AGO2: variants seen among roughly 807,000 people sequenced by gnomAD.
AGO2 encodes the protein protein argonaute-2.
Under a neutral mutation model 102.3 loss-of-function variants are expected in AGO2, and 5 were observed. The ratio of observed to expected loss-of-function variants is 0.05; its 90% confidence interval spans 0.03 to 0.10. The LOEUF is 0.10. Ranked by LOEUF, AGO2 falls within the 10% of genes least tolerant of loss-of-function variation. The pLI is 1.00. For missense variants in AGO2, 541 were observed against 1,183.7 expected (o/e 0.46, Z 7.97); for synonymous variants, 449 against 473.1 (o/e 0.95, Z 0.66).
rs548684279 is a variant in AGO2 at position 140,571,984 on chromosome 8, G to A, written c.336+828C>T. ...CCTGATCTTGTGATCCGCCCACCTCGGCCTCCCAAAGTGCTGGGGTTACAG... is the reference window on the plus strand; with the variant it reads ...CCTGATCTTGTGATCCGCCCACCTCAGCCTCCCAAAGTGCTGGGGTTACAG... On this transcript the variant is annotated intron_variant, in intron 3 of 18. Transcript: ENST00000220592. Among the ~76,000 whole-genome samples, 15 of 152,180 alleles carry A rather than the reference G, an allele frequency of 9.9e-5. No individual in the cohort carries two copies. The South Asian group carries it at 1.5e-3, about 15-fold the overall frequency.
intron 1 of AGO2, 75 bp from the exon 2 acceptor site, chr8:140,585,386 A>G: frequency 6.6e-7 from 1 of 1,523,376 alleles, no homozygotes; most frequent in Non-Finnish European, 8.9e-7. Flanking sequence ...CGCGGCCCCA[A>G]GCCACTATAT....
intron 1 of AGO2, among the ~76,000 whole-genome samples, chr8:140,598,113 G>C (rs1286761639): frequency 1.3e-5 from 2 of 152,214 alleles, no homozygotes; most frequent in Non-Finnish European, 2.9e-5. Context: ...GACAGCAAGA[G>C]GGACTGGGGT....
In AGO2 at chr8:140,540,774, C is replaced by T. The variant is rs1235261775; in HGVS notation, c.2034+390G>A. 2.0e-5 allele frequency among the ~76,000 whole-genome samples: 3 copies of T among 152,174 alleles called. No homozygotes were observed. Among genetic ancestry groups the T allele is most frequent in the African/African-American group, 7.2e-5 (3 of 41,436 alleles). On this transcript the variant is annotated intron_variant, in intron 15 of 18. Transcript: ENST00000220592. This position sits in a 1 kb window ranked among gnomAD's most constrained non-coding sequence, Gnocchi z 5.0. ...ACCTCTCACACTGCAGACAGGCGTC[C>T]CCAGACGCAATGAGCTCCCCGCCTC... is the stretch of plus-strand genomic sequence containing the variant.
At position 140,635,475 on chromosome 8, in the gene AGO2, C is replaced by A; in HGVS notation, c.22+10G>T. On this transcript the variant is annotated intron_variant, in intron 1 of 18. Coordinates refer to ENST00000220592, the MANE Select transcript of AGO2 (RefSeq NM_012154.5). The stretch of plus-strand genomic sequence containing the variant: ...ACGGCCGGGCGGGCGCCCCGAGCGC[C>A]AGGACTCACCGGGGCCGGCTCCCGA... The A allele has an allele frequency of 1.0e-6, 1 of 980,252 alleles. No homozygotes were observed. Among genetic ancestry groups the A allele is most frequent in the South Asian group, 4.5e-5 (1 of 22,044 alleles). The allele number at this position is 980,252 out of a possible 1,614,324, so 60.7% of individuals were successfully genotyped here. A position where few individuals can be genotyped will look rare whatever the true frequency, so the allele number is the denominator to read the frequency against.
chr8:140,550,527 T>C (rs2072977373), intron 11 of AGO2, among the ~76,000 whole-genome samples: 1 of 152,212 alleles, frequency 6.6e-6, no homozygotes, highest in African/African-American at 2.4e-5. Flanking sequence ...GGCAGAGACC[T>C]GAACCAACAC....
intron 12 of AGO2, 23 bp from the exon 13 acceptor site, chr8:140,547,650 A>G (rs755094316): frequency 6.3e-7 from 1 of 1,598,488 alleles, no homozygotes; most frequent in Non-Finnish European, 8.5e-7. Context: ...AGAGGCACAC[A>G]CAGCTCTGCC....
chr8:140,575,696 A>T (rs1020249504), intron 2 of AGO2, among the ~76,000 whole-genome samples: 1 of 152,230 alleles, frequency 6.6e-6, no homozygotes, highest in Non-Finnish European at 1.5e-5. Context: ...AATCACTTAC[A>T]AACAGAAGCA....
intron 1 of AGO2, among the ~76,000 whole-genome samples, chr8:140,623,706 A>C (rs1412763036): frequency 6.6e-6 from 1 of 151,780 alleles, no homozygotes; most frequent in Non-Finnish European, 1.5e-5. Flanking sequence ...TCCCTCCATA[A>C]TGGCCACCAT....
At chr8:140,613,402 T>C (rs2074105232) in intron 1 of AGO2, among the ~76,000 whole-genome samples, 1 of 152,252 alleles carries the variant, frequency 6.6e-6, no homozygotes, top group African/African-American at 2.4e-5. Context: ...TTTAATATAA[T>C]GACATGTTGT....
At position 140,622,092 on chromosome 8, in the gene AGO2, G is replaced by A. The variant is rs180887233; in HGVS notation, c.22+13393C>T. ...AAAGAAATGAAACACTGATGCTGCC[G>A]TGTGAACCGTGAAGACATGCCGAGT... On this transcript the variant is annotated intron_variant, in intron 1 of 18. Transcript: ENST00000220592. Among the ~76,000 whole-genome samples the A allele has an allele frequency of 2.6e-5, 4 of 152,328 alleles. No individual in the cohort carries two copies. In the South Asian group the frequency reaches 8.3e-4, roughly 32 times the overall value.
chr8:140,634,634 G>A (rs1330696953), intron 1 of AGO2, among the ~76,000 whole-genome samples: 2 of 152,262 alleles, frequency 1.3e-5, no homozygotes, highest in Non-Finnish European at 2.9e-5. Context: ...AAGTTTTTTA[G>A]AACTTTTCCA....
At chr8:140,628,788 A>G (rs1183890907) in intron 1 of AGO2, among the ~76,000 whole-genome samples, 1 of 147,724 alleles carries the variant, frequency 6.8e-6, no homozygotes, top group Non-Finnish European at 1.5e-5. Flanking sequence ...CAGCAACAAC[A>G]ACAATAATAA....
chr8:140,629,640 G>C (rs1403893097), intron 1 of AGO2, among the ~76,000 whole-genome samples: 1 of 151,752 alleles, frequency 6.6e-6, no homozygotes, highest in African/African-American at 2.4e-5. Flanking sequence ...AGGAGCTCCA[G>C]AACAGCCCGG....
intron 3 of AGO2, among the ~76,000 whole-genome samples, chr8:140,568,194 G>C (rs1341515530): frequency 6.6e-6 from 1 of 151,130 alleles, no homozygotes; most frequent in Non-Finnish European, 1.5e-5. Flanking sequence ...TGAGGTGGGA[G>C]GCTCACTTGA....
At position 140,532,035 on chromosome 8, in the gene AGO2, T is replaced by C. The variant is rs776741788; in HGVS notation, c.*9A>G. 3 of 1,613,440 alleles carry C rather than the reference T, an allele frequency of 1.9e-6. No homozygotes were observed. The East Asian group carries it at 6.7e-5, about 36-fold the overall frequency. On this transcript the variant is annotated 3_prime_UTR_variant, in exon 19 of 19. Coordinates refer to ENST00000220592, the MANE Select transcript of AGO2 (RefSeq NM_012154.5). ...CACTCGGTACACAATCGCTAAACAC[T>C]AAAACATGTCAAGCAAAGTACATGG...
At chr8:140,544,119 C>T in intron 14 of AGO2, 94 bp downstream of exon 14, 1 of 1,371,360 alleles carries the variant, frequency 7.3e-7, no homozygotes, top group South Asian at 1.6e-5. Flanking sequence ...CCATGCCTTT[C>T]AGGAAGGACC....
intron 1 of AGO2, among the ~76,000 whole-genome samples, chr8:140,622,268 T>A (rs2074228146): frequency 9.2e-6 from 1 of 108,764 alleles, no homozygotes; most frequent in African/African-American, 3.5e-5. Flanking sequence ...CCACATGGGG[T>A]CTCCTCTTGG....
chr8:140,615,981 T>C (rs556609817), intron 1 of AGO2, among the ~76,000 whole-genome samples: 1 of 152,356 alleles, frequency 6.6e-6, no homozygotes, highest in Non-Finnish European at 1.5e-5. Context: ...TCTGATATCA[T>C]TCATCTGAAT....
At position 140,635,523 on chromosome 8, in the gene AGO2, G is replaced by A; in HGVS notation, c.-17C>T. On this transcript the variant is annotated 5_prime_UTR_variant, in exon 1 of 19. Coordinates refer to ENST00000220592, the MANE Select transcript of AGO2 (RefSeq NM_012154.5). ...CGAGTACATGGTGGCGCCGCCGAGG[G>A]GCTCCGGGGCCGAGGGGCGGCCGCG... The A allele has an allele frequency of 1.0e-6, 1 of 979,368 alleles. No homozygotes were observed. The highest frequency in any genetic ancestry group is 1.2e-6 in the Non-Finnish European group (1 of 827,064). 60.7% of individuals were successfully genotyped at this position (979,368 alleles called of 1,614,324 possible).
Sources: allele counts gnomAD v4.1 joint callset (sites outside exome capture counted in the v4.1 genomes callset), GRCh38; gene constraint gnomAD v4.1.1; non-coding constraint Gnocchi (gnomAD v3.1); transcripts MANE v1.5; gene names NCBI Gene and HGNC (gene_info 2026-07-23, HGNC 2026-07-21).